LYPD6B: variants seen among roughly 807,000 people sequenced by gnomAD.
LYPD6B encodes LY6/PLAUR domain containing 6B, also known as ly6/PLAUR domain-containing protein 6B.
A neutral mutation model predicts 22.8 loss-of-function variants in LYPD6B; 17 were observed. That is an observed-to-expected ratio of 0.75 (90% confidence interval 0.51 to 1.12). The LOEUF (loss-of-function observed/expected upper bound fraction) is 1.12. Among genes scored for constraint, LYPD6B ranks in the 50% most tolerant of loss-of-function variants. The pLI is 0.00. For missense variants in LYPD6B, 221 were observed against 258.3 expected (o/e 0.86, Z 0.99); for synonymous variants, 106 against 91.6 (o/e 1.16, Z -0.90).
At chr2:149,052,567 C>A (rs915135799) in intron 1 of LYPD6B, among the ~76,000 whole-genome samples, 1 of 152,172 alleles carries the variant, frequency 6.6e-6, no homozygotes, top group Non-Finnish European at 1.5e-5. Flanking sequence ...GGTAAGGACA[C>A]TGGGAGTCTG....
At chr2:149,177,652 G>T (rs191203290) in intron 3 of LYPD6B, among the ~76,000 whole-genome samples, 6 of 152,256 alleles carry the variant, frequency 3.9e-5, no homozygotes, top group Non-Finnish European at 8.8e-5. Flanking sequence ...TGCTCTGTGG[G>T]CAAATCTCAT....
chr2:149,205,195 C>A, intron 3 of LYPD6B, 58 bp from the exon 4 acceptor site: 1 of 1,542,146 alleles, frequency 6.5e-7, no homozygotes, highest in Non-Finnish European at 8.7e-7. Context: ...AGAAGCAAAA[C>A]ACAAACCCAC....
intron 3 of LYPD6B, among the ~76,000 whole-genome samples, chr2:149,163,515 C>T (rs983701103): frequency 6.6e-6 from 1 of 152,140 alleles, no homozygotes; most frequent in Non-Finnish European, 1.5e-5. Flanking sequence ...CATGGCTGTC[C>T]AGCTTATCAA....
At chr2:149,135,751 G>GT (rs1309142635) in intron 2 of LYPD6B, among the ~76,000 whole-genome samples, 109 of 141,314 alleles carry the variant, frequency 7.7e-4, no homozygotes, top group African/African-American at 2.6e-3. Flanking sequence ...AAAAAAGTGT[G>GT]TTTTTTTCCA....
At chr2:149,124,988 A>G (rs1194416515) in intron 1 of LYPD6B, among the ~76,000 whole-genome samples, 1 of 152,222 alleles carries the variant, frequency 6.6e-6, no homozygotes, top group Non-Finnish European at 1.5e-5. Flanking sequence ...AAGCCTTTGA[A>G]GGATGATCTT....
chr2:149,213,679 A>C (rs1234576893), intron 6 of LYPD6B, among the ~76,000 whole-genome samples: 3 of 152,260 alleles, frequency 2.0e-5, no homozygotes, highest in Admixed American at 1.3e-4. Context: ...ATAAGTACAG[A>C]AAATGATTCT....
chr2:149,208,401 G>C lies in LYPD6B; in HGVS notation c.317G>C (p.Trp106Ser), dbSNP rs1250795581. ...TGCAATCGATGGGCAGAAGACAAAT[G>C]GTGTCCACAAAGTAAGTGTGCTGAG... ...YNCNRWAEDK[W>S]CPQNTQYCLT... is the part of the protein sequence containing the mutation. The change falls in exon 5 of 7, where the codon TGG becomes TCG. Residue 106 changes from tryptophan (W) to serine (S), a missense_variant. Trp to Ser is a radical substitution (Grantham distance 177). Transcript: ENST00000409642. The C allele has an allele frequency of 2.1e-5, 34 of 1,612,834 alleles. No individual in the cohort carries two copies. Among genetic ancestry groups the C allele is most frequent in the Non-Finnish European group, 2.8e-5 (33 of 1,178,898 alleles).
chr2:149,167,969 G>A (rs1371096465), intron 3 of LYPD6B, among the ~76,000 whole-genome samples: 1 of 151,744 alleles, frequency 6.6e-6, no homozygotes, highest in Non-Finnish European at 1.5e-5. Context: ...GTAAACTTTG[G>A]AAGGCCTTGG....
At chr2:149,081,745 T>C (rs562214682) in intron 1 of LYPD6B, among the ~76,000 whole-genome samples, 2 of 152,356 alleles carry the variant, frequency 1.3e-5, no homozygotes, top group African/African-American at 4.8e-5. Context: ...TCAAGTTTTT[T>C]TGTTTGATTT....
intron 1 of LYPD6B, among the ~76,000 whole-genome samples, chr2:149,050,750 G>A (rs114686475): frequency 0.015 from 2,245 of 152,160 alleles, 48 homozygotes; most frequent in African/African-American, 0.052. Flanking sequence ...GTCAAACAGG[G>A]GACACCTCTG....
At chr2:149,193,611 CT>C (rs1257753490) in intron 3 of LYPD6B, among the ~76,000 whole-genome samples, 1 of 152,066 alleles carries the variant, frequency 6.6e-6, no homozygotes, top group African/African-American at 2.4e-5. Context: ...CAAGAGGCTC[CT>C]GAGAACATTA....
chr2:149,083,720 G>A (rs180904242), intron 1 of LYPD6B, among the ~76,000 whole-genome samples: 15 of 152,224 alleles, frequency 9.9e-5, no homozygotes, highest in Admixed American at 5.9e-4. Context: ...CGTATGGCAC[G>A]ATGTGCTGCT....
intron 2 of LYPD6B, among the ~76,000 whole-genome samples, chr2:149,145,992 G>A (rs72857215): frequency 0.2 from 30,668 of 152,120 alleles, 3,554 homozygotes; most frequent in Non-Finnish European, 0.26. Flanking sequence ...GATAAGGTGT[G>A]CAAACTAGGG....
At chr2:149,101,299 G>A (rs961152872) in intron 1 of LYPD6B, 4 of 152,252 alleles carry the variant, frequency 2.6e-5, no homozygotes, top group Non-Finnish European at 5.9e-5. Context: ...AGGGAACTGC[G>A]AATGCTTCGT....
chr2:149,130,680 A>G (rs1021176635), intron 1 of LYPD6B, among the ~76,000 whole-genome samples: 2 of 152,144 alleles, frequency 1.3e-5, no homozygotes, highest in Non-Finnish European at 2.9e-5. Flanking sequence ...TGTCCTGCCA[A>G]ATCTTTCTAC....
intron 2 of LYPD6B, among the ~76,000 whole-genome samples, chr2:149,150,969 T>G (rs942639732): frequency 1.3e-5 from 2 of 152,224 alleles, no homozygotes; most frequent in African/African-American, 4.8e-5. Flanking sequence ...CTCATTATTC[T>G]TTTTACAAAG....
intron 3 of LYPD6B, among the ~76,000 whole-genome samples, chr2:149,180,190 G>C (rs1691609977): frequency 6.6e-6 from 1 of 152,112 alleles, no homozygotes; most frequent in Admixed American, 6.5e-5. Context: ...AAAGGTGTGG[G>C]GAATACTTTT....
At chr2:149,040,328 C>T (rs1424697819) in intron 1 of LYPD6B, among the ~76,000 whole-genome samples, 1 of 151,718 alleles carries the variant, frequency 6.6e-6, no homozygotes, top group Non-Finnish European at 1.5e-5. Context: ...CAGGTCCAAG[C>T]GATTATCCTG....
chr2:149,085,619 T>C (rs1425527924), intron 1 of LYPD6B, among the ~76,000 whole-genome samples: 1 of 152,238 alleles, frequency 6.6e-6, no homozygotes, highest in East Asian at 1.9e-4. Flanking sequence ...AAGACTGGAA[T>C]GTCCCAGCAA....
Sources: gnomAD v4.1 joint callset for allele counts (sites outside exome capture counted in the v4.1 genomes callset) on GRCh38, gnomAD v4.1.1 for gene constraint, MANE v1.5 for transcripts, NCBI Gene and HGNC (gene_info 2026-07-23, HGNC 2026-07-21) for gene names.